The following USP34 variants were observed in gnomAD, a reference collection of about 807,000 sequenced individuals.
USP34 encodes ubiquitin specific peptidase 34, also known as ubiquitin carboxyl-terminal hydrolase 34.
A neutral mutation model predicts 460.3 loss-of-function variants in USP34; 70 were observed. The ratio of observed to expected loss-of-function variants is 0.15; its 90% CI spans 0.13 to 0.19. USP34 has a LOEUF of 0.19. USP34 is among the 10% of genes least tolerant of loss of function. The pLI is 1.00. For synonymous variants in USP34, 1,647 were observed against 1,405.3 expected, an observed-to-expected ratio of 1.17 and a Z score of -3.85; for missense variants, 3,985 against 4,236.2, an observed-to-expected ratio of 0.94 and a Z score of 1.65.
intron 10 of USP34, among the ~76,000 whole-genome samples, chr2:61,351,906 A>T (rs1691953095): frequency 6.6e-6 from 1 of 152,222 alleles, no homozygotes; most frequent in Non-Finnish European, 1.5e-5. Context: ...GTGAATACTC[A>T]GTAAGTTTAC....
chr2:61,241,447 T>G, intron 53 of USP34, 113 bp downstream of exon 53: 1 of 662,140 alleles, frequency 1.5e-6, no homozygotes, highest in East Asian at 2.9e-5. Context: ...ACTCTTAAGA[T>G]CTACTCAGAA....
chr2:61,251,477 T>C (rs903731050), intron 48 of USP34, among the ~76,000 whole-genome samples: 2 of 152,226 alleles, frequency 1.3e-5, no homozygotes, highest in African/African-American at 4.8e-5. Context: ...TCTTAATAAA[T>C]AGAAGCCAAG....
intron 75 of USP34, among the ~76,000 whole-genome samples, chr2:61,201,211 GTT>G (rs59199472): frequency 8.8e-4 from 89 of 101,366 alleles, no homozygotes; most frequent in African/African-American, 1.8e-3. Context: ...CTCATAGAAA[GTT>G]TTTTTTTTTT....
chr2:61,367,501 G>A (rs1040526030), intron 10 of USP34, among the ~76,000 whole-genome samples: 1 of 152,258 alleles, frequency 6.6e-6, no homozygotes, highest in Non-Finnish European at 1.5e-5. Context: ...CACAATGTTA[G>A]ACATGGGAAG....
chr2:61,212,047 C>G, intron 68 of USP34, 118 bp from the exon 69 acceptor site: 1 of 1,268,076 alleles, frequency 7.9e-7, no homozygotes, highest in Non-Finnish European at 1.0e-6. Context: ...CTAGATTATA[C>G]TTCCATTCAG....
intron 16 of USP34, 60 bp downstream of exon 16, chr2:61,343,751 AAAGT>A (rs3980973): frequency 0.36 from 554,760 of 1,536,396 alleles, 102,272 homozygotes; most frequent in South Asian, 0.38. Flanking sequence ...TCCTTTCAAC[AAAGT>A]AAGATAAATT....
intron 53 of USP34, among the ~76,000 whole-genome samples, chr2:61,238,459 A>G (rs1258414795): frequency 3.3e-5 from 5 of 152,044 alleles, no homozygotes; most frequent in Non-Finnish European, 7.4e-5. Context: ...TATCAACTAC[A>G]CTTTCTGAGA....
At chr2:61,353,781 A>T (rs1042238873) in intron 10 of USP34, among the ~76,000 whole-genome samples, 1 of 152,202 alleles carries the variant, frequency 6.6e-6, no homozygotes, top group African/African-American at 2.4e-5. Context: ...GAGTAAAGAC[A>T]GGAAAACAAT....
At chr2:61,371,985 T>C (rs1572977454) in intron 8 of USP34, among the ~76,000 whole-genome samples, 3 of 152,184 alleles carry the variant, frequency 2.0e-5, no homozygotes, top group East Asian at 3.8e-4. Context: ...CTTTGTACAA[T>C]GAAGTCACCT....
chr2:61,250,161 G>C (rs1688537105), intron 48 of USP34: 2 of 157,124 alleles, frequency 1.3e-5, no homozygotes, highest in African/African-American at 4.8e-5. Context: ...GAGGTTGGAG[G>C]GAGCCAAGAT....
intron 9 of USP34, 26 bp downstream of exon 9, chr2:61,370,472 G>A (rs370249112): frequency 1.9e-6 from 3 of 1,613,198 alleles, no homozygotes; most frequent in Middle Eastern, 1.7e-4. Context: ...CAATAGAACA[G>A]AGAAGTTATG....
chr2:61,212,797 A>T (rs555919737), intron 68 of USP34, among the ~76,000 whole-genome samples: 3 of 152,340 alleles, frequency 2.0e-5, no homozygotes, highest in Non-Finnish European at 4.4e-5. Context: ...ATGGAGGGAT[A>T]AATTCTAACT....
At chr2:61,368,103 T>C (rs1692493179) in intron 10 of USP34, among the ~76,000 whole-genome samples, 1 of 152,186 alleles carries the variant, frequency 6.6e-6, no homozygotes, top group Admixed American at 6.6e-5. Context: ...ACTCTGCTGT[T>C]GTGCTGTGGA....
intron 6 of USP34, among the ~76,000 whole-genome samples, chr2:61,381,386 T>C: frequency 6.6e-6 from 1 of 152,200 alleles, no homozygotes; most frequent in South Asian, 2.1e-4. Context: ...TCACTCACGC[T>C]GGAGTGCAAT....
chr2:61,368,721 A>C (rs1467939044), intron 10 of USP34, among the ~76,000 whole-genome samples: 1 of 152,220 alleles, frequency 6.6e-6, no homozygotes, highest in Non-Finnish European at 1.5e-5. Context: ...GCTGGATCAA[A>C]GATTAAGATA....
intron 61 of USP34, among the ~76,000 whole-genome samples, chr2:61,228,223 G>A (rs929562633): frequency 2.0e-5 from 3 of 152,178 alleles, no homozygotes; most frequent in Non-Finnish European, 4.4e-5. Context: ...ACAACCTAAT[G>A]CATTTGTTAT....
At chr2:61,299,248 A>T (rs1690144433) in intron 29 of USP34, among the ~76,000 whole-genome samples, 1 of 152,202 alleles carries the variant, frequency 6.6e-6, no homozygotes, top group African/African-American at 2.4e-5. Flanking sequence ...AATCTTGGGG[A>T]AGAAAGAAAA....
At chr2:61,291,891 G>C (rs2103978467) in intron 33 of USP34, among the ~76,000 whole-genome samples, 1 of 152,212 alleles carries the variant, frequency 6.6e-6, no homozygotes, top group Non-Finnish European at 1.5e-5. Context: ...ATAAAAAAAT[G>C]AATTATTGAT....
intron 67 of USP34, among the ~76,000 whole-genome samples, chr2:61,216,095 T>C (rs111232095): frequency 0.012 from 1,782 of 152,362 alleles, 32 homozygotes; most frequent in African/African-American, 0.041. Flanking sequence ...AAATTAATTT[T>C]AGTTTATTTT....
Sources: allele counts gnomAD v4.1 joint callset (sites outside exome capture counted in the v4.1 genomes callset), GRCh38; gene constraint gnomAD v4.1.1; transcripts MANE v1.5; gene names NCBI Gene and HGNC (gene_info 2026-07-23, HGNC 2026-07-21).